FSTL4: variants seen among roughly 807,000 people sequenced by gnomAD.
FSTL4 encodes the protein follistatin-related protein 4.
Under a neutral mutation model 78.2 loss-of-function variants are expected in FSTL4, and 28 were observed. That is an observed-to-expected ratio of 0.36 (90% CI 0.27 to 0.49). The LOEUF (loss-of-function observed/expected upper bound fraction) is 0.49. Ranked by LOEUF, FSTL4 falls within the 20% of genes least tolerant of loss-of-function variation. FSTL4 has a pLI of 0.98. For synonymous variants in FSTL4, 422 were observed against 440.5 expected (o/e 0.96, Z 0.53); for missense variants, 922 against 1,084.9 (o/e 0.85, Z 2.11).
the FSTL4 span, among the ~76,000 whole-genome samples, chr5:133,823,525 C>G: frequency 6.6e-6 from 1 of 152,180 alleles, no homozygotes; most frequent in South Asian, 2.1e-4. Flanking sequence ...AAGCCAGATC[C>G]TCAGGATGTC....
At chr5:133,303,562 A>G (rs1753596142) in intron 6 of FSTL4, among the ~76,000 whole-genome samples, 1 of 152,166 alleles carries the variant, frequency 6.6e-6, no homozygotes, top group Non-Finnish European at 1.5e-5. Flanking sequence ...CCAGTCAGTC[A>G]CTATGTCCCG....
At chr5:133,435,516 T>C (rs1200810793) in intron 3 of FSTL4, among the ~76,000 whole-genome samples, 1 of 152,250 alleles carries the variant, frequency 6.6e-6, no homozygotes, top group Non-Finnish European at 1.5e-5. Context: ...AGAGCCACCA[T>C]ATCCAACTGC....
At chr5:133,439,387 A>C (rs527584145) in intron 3 of FSTL4, among the ~76,000 whole-genome samples, 8 of 152,192 alleles carry the variant, frequency 5.3e-5, no homozygotes, top group Admixed American at 2.0e-4. Flanking sequence ...TCTACCTTCA[A>C]TCAGGACAAA....
At chr5:133,756,677 C>A in the FSTL4 span, among the ~76,000 whole-genome samples, 14 of 151,968 alleles carry the variant, frequency 9.2e-5, no homozygotes, top group Admixed American at 9.2e-4. Flanking sequence ...GAGGAGGGTG[C>A]GGGATAGAGG....
chr5:133,428,079 G>C (rs138110817), intron 3 of FSTL4, among the ~76,000 whole-genome samples: 68 of 152,330 alleles, frequency 4.5e-4, no homozygotes, highest in African/African-American at 1.6e-3. Context: ...CAGGTGTGCT[G>C]AGTTGGAAAT....
intron 4 of FSTL4, among the ~76,000 whole-genome samples, chr5:133,347,011 T>C (rs56895911): frequency 3.3e-5 from 5 of 152,092 alleles, no homozygotes; most frequent in Admixed American, 3.3e-4. Flanking sequence ...GGTTTTTTTT[T>C]ATTAGATTTA....
intron 4 of FSTL4, among the ~76,000 whole-genome samples, chr5:133,336,282 T>A (rs1423653798): frequency 1.3e-5 from 2 of 152,072 alleles, no homozygotes; most frequent in Admixed American, 6.5e-5. Flanking sequence ...ACAGTCCTCA[T>A]CACTCAACAA....
chr5:133,604,473 C>T (rs546975605), intron 1 of FSTL4, among the ~76,000 whole-genome samples: 36 of 152,212 alleles, frequency 2.4e-4, no homozygotes, highest in African/African-American at 7.7e-4. Context: ...CTTTGGTAGG[C>T]GGAGGTAGAT....
chr5:133,261,472 T>C (rs2126835748), intron 6 of FSTL4, among the ~76,000 whole-genome samples: 1 of 152,312 alleles, frequency 6.6e-6, no homozygotes, highest in East Asian at 1.9e-4. Flanking sequence ...CCAGCCATGA[T>C]GGGATAAAAG....
rs1751677963 is a variant in FSTL4, at chr5:133,236,823, C to T, written c.895-3286G>A. Among the ~76,000 whole-genome samples the T allele has an allele frequency of 6.6e-6, 1 of 152,232 alleles. No homozygotes were observed. Among genetic ancestry groups the T allele is most frequent in the South Asian group, 2.1e-4 (1 of 4,832 alleles). ...CAGCCCCATTTCTGGAGCCTAACCT[C>T]TTCCCCACACCCTGCTTGGCGCCTC... On this transcript the variant is annotated intron_variant, in intron 7 of 15. Transcript: ENST00000265342. The surrounding 1 kb of genome is among the most constrained non-coding windows in gnomAD (Gnocchi z 5.0).
intron 4 of FSTL4, among the ~76,000 whole-genome samples, chr5:133,375,491 C>T: frequency 6.6e-6 from 1 of 151,736 alleles, no homozygotes; most frequent in African/African-American, 2.4e-5. Context: ...CTTTTAAAGA[C>T]CCCTAATCAA....
At chr5:133,673,229 G>A in the FSTL4 span, among the ~76,000 whole-genome samples, 1 of 152,276 alleles carries the variant, frequency 6.6e-6, no homozygotes, top group East Asian at 1.9e-4. Context: ...ATGATTTTGG[G>A]GGCCCAAGGT....
chr5:133,239,225 C>T (rs1297936120), intron 7 of FSTL4, among the ~76,000 whole-genome samples: 3 of 140,262 alleles, frequency 2.1e-5, no homozygotes, highest in African/African-American at 7.6e-5. Flanking sequence ...TGAGCCTCCC[C>T]CACCCCCACC....
chr5:133,274,090 A>G (rs952083421), intron 6 of FSTL4, among the ~76,000 whole-genome samples: 2 of 152,226 alleles, frequency 1.3e-5, no homozygotes, highest in Non-Finnish European at 2.9e-5. Flanking sequence ...CAAACTCTCA[A>G]CATGGCCAGG....
the FSTL4 span, among the ~76,000 whole-genome samples, chr5:133,785,696 G>A: frequency 6.6e-6 from 1 of 152,214 alleles, no homozygotes; most frequent in African/African-American, 2.4e-5. Context: ...GCCCTCAGTG[G>A]AGAACAGAAT....
the FSTL4 span, among the ~76,000 whole-genome samples, chr5:133,773,603 C>G: frequency 1.3e-5 from 2 of 152,196 alleles, no homozygotes; most frequent in Non-Finnish European, 1.5e-5. Context: ...CTTTGGGTCC[C>G]AGTAACAGCT....
chr5:133,634,608 G>A, the FSTL4 span, among the ~76,000 whole-genome samples: 1 of 152,082 alleles, frequency 6.6e-6, no homozygotes, highest in East Asian at 1.9e-4. Flanking sequence ...AGAATGGGGT[G>A]GGGGTGAGGA....
At chr5:133,662,878 C>T in the FSTL4 span, among the ~76,000 whole-genome samples, 1 of 152,126 alleles carries the variant, frequency 6.6e-6, no homozygotes, top group Admixed American at 6.5e-5. Flanking sequence ...GAGGCTTTGT[C>T]ACATTGCTCA....
chr5:133,228,926 A>G (rs1751410540), intron 8 of FSTL4, among the ~76,000 whole-genome samples: 1 of 152,252 alleles, frequency 6.6e-6, no homozygotes, highest in Non-Finnish European at 1.5e-5. Context: ...CAAATAGTAC[A>G]AAGATGGAGA....
Sources: gnomAD v4.1 joint callset for allele counts (sites outside exome capture counted in the v4.1 genomes callset) on GRCh38, gnomAD v4.1.1 for gene constraint, Gnocchi (gnomAD v3.1) non-coding constraint, MANE v1.5 for transcripts, NCBI Gene and HGNC (gene_info 2026-07-23, HGNC 2026-07-21) for gene names.